The following TMEM132C variants were observed in gnomAD, a reference collection of about 807,000 sequenced individuals.
TMEM132C encodes transmembrane protein 132C, also known as protein phosphatase 1, regulatory subunit 152.
Under a neutral mutation model 61.4 loss-of-function variants are expected in TMEM132C, and 29 were observed. That is an observed-to-expected ratio of 0.47 (90% CI 0.35 to 0.64). The LOEUF (loss-of-function observed/expected upper bound fraction) is 0.64, where lower values mean the gene tolerates loss of function less well. Among genes scored for constraint, TMEM132C ranks in the 30% least tolerant of loss-of-function variants. The probability of loss-of-function intolerance (pLI) is 0.00; values close to 1 mark genes in which losing one functional copy is unlikely to be tolerated. For missense variants in TMEM132C, 1,408 were observed against 1,476.9 expected (o/e 0.95, Z 0.76); for synonymous variants, 656 against 633.1 (o/e 1.04, Z -0.54).
At chr12:128,329,763 A>C (rs1176600941) in intron 1 of TMEM132C, among the ~76,000 whole-genome samples, 1 of 152,162 alleles carries the variant, frequency 6.6e-6, no homozygotes, top group Non-Finnish European at 1.5e-5. Context: ...AGGCATGTGG[A>C]GACCATTAAG....
chr12:128,323,391 G>A (rs569110179), intron 1 of TMEM132C, among the ~76,000 whole-genome samples: 17 of 152,346 alleles, frequency 1.1e-4, no homozygotes, highest in Middle Eastern at 3.4e-3. Flanking sequence ...ATTGTCAGGC[G>A]TGACGAAGCA....
At chr12:128,605,986 G>A (rs1876410411) in intron 3 of TMEM132C, among the ~76,000 whole-genome samples, 1 of 152,164 alleles carries the variant, frequency 6.6e-6, no homozygotes, top group South Asian at 2.1e-4. Flanking sequence ...GATCTGAAGG[G>A]CTGGACTCAG....
Position 128,667,044 on chromosome 12 carries a change from T to G in TMEM132C, c.1306-2373T>G, listed in dbSNP as rs1020104112. Among the ~76,000 whole-genome samples, 2 of 152,158 alleles carry G rather than the reference T, an allele frequency of 1.3e-5. 1 individual carries two copies. The highest frequency in any genetic ancestry group is 1.3e-4 in the Admixed American group (2 of 15,282). ...GAGGTCGCGCCACTGCACTCCAGCC[T>G]GGGCGACAGAGCAAGACTCCGTCTC... On this transcript the variant is annotated intron_variant, in intron 4 of 8. Coordinates refer to ENST00000435159, the MANE Select transcript of TMEM132C (RefSeq NM_001136103.3).
chr12:128,397,429 T>C (rs939875485), intron 1 of TMEM132C, among the ~76,000 whole-genome samples: 9 of 152,176 alleles, frequency 5.9e-5, no homozygotes, highest in African/African-American at 1.9e-4. Flanking sequence ...GTCAGGGGCC[T>C]TCAGCACCCA....
intron 4 of TMEM132C, among the ~76,000 whole-genome samples, chr12:128,662,069 A>G (rs898357243): frequency 6.6e-6 from 1 of 152,208 alleles, no homozygotes; most frequent in Non-Finnish European, 1.5e-5. Flanking sequence ...GTTATCAGCC[A>G]TGTTTTCTCT....
At chr12:128,422,971 A>G (rs1477822814) in intron 2 of TMEM132C, among the ~76,000 whole-genome samples, 1 of 152,168 alleles carries the variant, frequency 6.6e-6, no homozygotes, top group Admixed American at 6.5e-5. Context: ...TGGTCCCTCA[A>G]ACATAACTGA....
intron 2 of TMEM132C, among the ~76,000 whole-genome samples, chr12:128,468,156 G>T (rs1222302628): frequency 1.3e-5 from 2 of 152,124 alleles, no homozygotes; most frequent in Non-Finnish European, 2.9e-5. Flanking sequence ...CGTTAACTGT[G>T]CAGGGCTAGC....
chr12:128,701,863 C>T (rs1024453298), intron 8 of TMEM132C, among the ~76,000 whole-genome samples: 1 of 151,368 alleles, frequency 6.6e-6, no homozygotes, highest in African/African-American at 2.4e-5. Context: ...TGGCTCTTTG[C>T]ACCCCTTCCT....
chr12:128,452,359 C>CA (rs1870200700), intron 2 of TMEM132C, among the ~76,000 whole-genome samples: 1 of 151,168 alleles, frequency 6.6e-6, no homozygotes, highest in Non-Finnish European at 1.5e-5. Context: ...CTCGGCCTCC[C>CA]AAAATGCTGG....
At chr12:128,670,893 C>T (rs59433391) in intron 5 of TMEM132C, among the ~76,000 whole-genome samples, 4,037 of 152,044 alleles carry the variant, frequency 0.027, 192 homozygotes, top group African/African-American at 0.092. Context: ...TCCAAAAGAA[C>T]GGAAAATCTA....
At chr12:128,486,946 T>C (rs1178476879) in intron 2 of TMEM132C, among the ~76,000 whole-genome samples, 30 of 150,674 alleles carry the variant, frequency 2.0e-4, no homozygotes, top group Admixed American at 2.0e-3. Context: ...GTGCTAGTAC[T>C]AGTGTGAAAT....
intron 1 of TMEM132C, among the ~76,000 whole-genome samples, chr12:128,317,057 C>T (rs996599662): frequency 2.6e-5 from 4 of 152,146 alleles, no homozygotes; most frequent in African/African-American, 9.7e-5. Flanking sequence ...TGCTCAGTAA[C>T]CAAATCTGTT....
At chr12:128,607,314 G>A (rs1876464254) in intron 3 of TMEM132C, among the ~76,000 whole-genome samples, 1 of 152,206 alleles carries the variant, frequency 6.6e-6, no homozygotes, top group South Asian at 2.1e-4. Flanking sequence ...GGTGGCACCA[G>A]TTAGGCTCAG....
chr12:128,365,232 T>C (rs1263215732), intron 1 of TMEM132C, among the ~76,000 whole-genome samples: 1 of 152,178 alleles, frequency 6.6e-6, no homozygotes, highest in Admixed American at 6.5e-5. Context: ...TTGGTTCCCT[T>C]TGCCCCGACT....
intron 1 of TMEM132C, among the ~76,000 whole-genome samples, chr12:128,297,763 T>G (rs1475984644): frequency 6.6e-6 from 1 of 152,140 alleles, no homozygotes; most frequent in Non-Finnish European, 1.5e-5. Flanking sequence ...AAGCAAAAAC[T>G]CTATAATTTT....
At chr12:128,335,508 G>A (rs1286209209) in intron 1 of TMEM132C, among the ~76,000 whole-genome samples, 1 of 152,206 alleles carries the variant, frequency 6.6e-6, no homozygotes, top group East Asian at 1.9e-4. Context: ...AGGAAGATCA[G>A]TAATCACCAG....
At chr12:128,321,129 A>G (rs905878931) in intron 1 of TMEM132C, among the ~76,000 whole-genome samples, 1 of 133,858 alleles carries the variant, frequency 7.5e-6, no homozygotes, top group African/African-American at 2.8e-5. Context: ...CCAGGCTGCC[A>G]TTTTTGAAAA....
intron 2 of TMEM132C, among the ~76,000 whole-genome samples, chr12:128,479,525 C>T (rs1362290175): frequency 1.3e-5 from 2 of 152,214 alleles, no homozygotes; most frequent in African/African-American, 4.8e-5. Context: ...TACAAATTCA[C>T]ATTGCAGGGT....
chr12:128,647,207 ATGTGTGTT>A (rs1954211381), intron 4 of TMEM132C, among the ~76,000 whole-genome samples: 8 of 139,368 alleles, frequency 5.7e-5, no homozygotes. Context: ...TCAGCGTTGG[ATGTGTGTT>A]TACTAGATCC....
Sources: gnomAD v4.1 joint callset for allele counts (sites outside exome capture counted in the v4.1 genomes callset) on GRCh38, gnomAD v4.1.1 for gene constraint, MANE v1.5 for transcripts, NCBI Gene and HGNC (gene_info 2026-07-23, HGNC 2026-07-21) for gene names.